The following ESYT2 variants were observed in gnomAD, a reference collection of about 807,000 sequenced individuals.
The protein encoded by ESYT2 is extended synaptotagmin 2.
Under a neutral mutation model 107.2 loss-of-function variants are expected in ESYT2, and 54 were observed. That is an observed-to-expected ratio of 0.50 (90% CI 0.40 to 0.63). ESYT2 has a LOEUF of 0.63. ESYT2 is among the 30% of genes least tolerant of loss of function. The pLI, the probability that ESYT2 is intolerant of heterozygous loss-of-function variation, is 0.00. For synonymous variants in ESYT2, 491 were observed against 434.1 expected, an observed-to-expected ratio of 1.13 and a Z score of -1.63; for missense variants, 1,020 against 1,094.5, an observed-to-expected ratio of 0.93 and a Z score of 0.96.
In ESYT2 at chr7:158,743,562, T is replaced by C. The variant is rs1451732704; in HGVS notation, c.1761A>G (p.Pro587=). Residue 587 remains proline, a synonymous_variant, in exon 17 of 23, where the codon CCA becomes CCG. Coordinates refer to ENST00000275418, the MANE Select transcript of ESYT2 (RefSeq NM_001367773.1). ...SQRFQLSNSG[P]NSTIKMKIAL... is the part of the protein sequence containing the mutation. ...CAATCTTCATCTTGATGGTGCTGTT[T>C]GGACCCGAGTTACTGAGCTGGAAGC... 6.2e-7 allele frequency: 1 copy of C among 1,613,084 alleles called. No homozygotes were observed. The highest frequency in any genetic ancestry group is 8.5e-7 in the Non-Finnish European group (1 of 1,179,652).
intron 1 of ESYT2, among the ~76,000 whole-genome samples, chr7:158,806,136 C>CAATGCGTAGGAGGCGCT (rs1275821454): frequency 6.8e-5 from 10 of 147,764 alleles, no homozygotes; most frequent in East Asian, 2.0e-4. Context: ...TGGGAGGTGC[C>CAATGCGTAGGAGGCGCT]GGGGCACACC....
Position 158,829,435 on chromosome 7 carries a change from G to C in ESYT2, c.-17C>G, listed in dbSNP as rs1840566727. 1.7e-6 allele frequency: 2 copies of C among 1,184,764 alleles called. No individual in the cohort carries two copies. Among genetic ancestry groups the C allele is most frequent in the African/African-American group, 3.2e-5 (2 of 61,950 alleles). 73.4% of individuals were successfully genotyped at this position (1,184,764 alleles called of 1,614,324 possible). ...GCCGCTCATCGCCCCGCAGTGCCGC[G>C]CTGCCCTCCCGGCCGAGGCGGGCTG... On this transcript the variant is annotated 5_prime_UTR_variant, in exon 1 of 23. Coordinates refer to ENST00000275418, the MANE Select transcript of ESYT2 (RefSeq NM_001367773.1).
At chr7:158,794,254 G>A (rs555575209) in intron 3 of ESYT2, among the ~76,000 whole-genome samples, 2 of 152,362 alleles carry the variant, frequency 1.3e-5, no homozygotes, top group East Asian at 3.9e-4. Context: ...AACACTTTGG[G>A]ATACCAAGGC....
chr7:158,754,474 G>A (rs903040006), intron 13 of ESYT2, among the ~76,000 whole-genome samples: 2 of 151,908 alleles, frequency 1.3e-5, no homozygotes, highest in African/African-American at 2.4e-5. Flanking sequence ...GCCTCCCAAA[G>A]TGCTGGGATT....
rs112594448 is a variant in ESYT2, at chr7:158,749,010, C to CAA, written c.1557+638_1557+639insTT. On this transcript the variant is annotated intron_variant, in intron 15 of 22. Transcript: ENST00000275418. ...TAAGCACTGTTGGTTTTCTTTTAAA[C>CAA]TATTTATAGAGTGCTCAAGACAAAC... is the stretch of plus-strand genomic sequence containing the variant. Among the ~76,000 whole-genome samples the CAA allele has an allele frequency of 5.1e-3, 773 of 152,264 alleles. 4 individuals carry two copies. The highest frequency in any genetic ancestry group is 0.018 in the African/African-American group (742 of 41,546).
At chr7:158,740,850 C>CTCCGTTTCTGTTACTATTTTCT (rs1837169849) in intron 18 of ESYT2, among the ~76,000 whole-genome samples, 2 of 152,262 alleles carry the variant, frequency 1.3e-5, no homozygotes, top group African/African-American at 2.4e-5. Context: ...GCACCTTTGC[C>CTCCGTTTCTGTTACTATTTTCT]TCCGTTTCTG....
At chr7:158,829,038 G>A (rs750526582) in intron 1 of ESYT2, 51 bp downstream of exon 1, 10 of 1,559,708 alleles carry the variant, frequency 6.4e-6, no homozygotes, top group Admixed American at 1.8e-5. Context: ...TGGACGAGGG[G>A]AGATCGGGAC....
At chr7:158,773,850 C>T (rs1052202183) in intron 6 of ESYT2, among the ~76,000 whole-genome samples, 5 of 152,212 alleles carry the variant, frequency 3.3e-5, no homozygotes, top group African/African-American at 1.2e-4. Context: ...TATCCATTTA[C>T]ATTCCCAACC....
At chr7:158,788,249 A>G in intron 5 of ESYT2, 96 bp downstream of exon 5, 1 of 1,305,222 alleles carries the variant, frequency 7.7e-7, no homozygotes, top group African/African-American at 1.5e-5. Flanking sequence ...CGTCAAAAAA[A>G]TTCCAAGCTA....
At chr7:158,788,883 C>T (rs542888425) in intron 4 of ESYT2, among the ~76,000 whole-genome samples, 37 of 152,230 alleles carry the variant, frequency 2.4e-4, no homozygotes, top group African/African-American at 8.4e-4. Flanking sequence ...TCTCACAGTG[C>T]CCTAGGCCTC....
chr7:158,734,108 C>T lies in ESYT2; in HGVS notation c.*99G>A. The T allele has an allele frequency of 7.1e-7, 1 of 1,410,110 alleles. No homozygotes were observed. Among genetic ancestry groups the T allele is most frequent in the Non-Finnish European group, 9.9e-7 (1 of 1,014,474 alleles). 87.3% of individuals were successfully genotyped at this position (1,410,110 alleles called of 1,614,324 possible). A position where few individuals can be genotyped will look rare whatever the true frequency, so the allele number is the denominator to read the frequency against. On this transcript the variant is annotated 3_prime_UTR_variant, in exon 23 of 23. Coordinates refer to ENST00000275418, the MANE Select transcript of ESYT2 (RefSeq NM_001367773.1). ...CTATTAAGGTATGTATAACTAAATC[C>T]ATGAAATTATAAAAATAACATTGGT...
intron 6 of ESYT2, among the ~76,000 whole-genome samples, chr7:158,779,340 C>T (rs1056903198): frequency 5.9e-5 from 9 of 152,128 alleles, no homozygotes. Context: ...ATGATTCCTT[C>T]TGTGAACAGT....
intron 9 of ESYT2, among the ~76,000 whole-genome samples, chr7:158,764,160 C>T (rs1838071502): frequency 6.6e-6 from 1 of 152,206 alleles, no homozygotes; most frequent in African/African-American, 2.4e-5. Context: ...TGAAGAGACA[C>T]TCACATTCTA....
At chr7:158,798,172 G>A (rs1232901561) in intron 2 of ESYT2, 96 bp from the exon 3 acceptor site, 2 of 1,326,386 alleles carry the variant, frequency 1.5e-6, no homozygotes, top group Non-Finnish European at 2.1e-6. Context: ...ACCAAACCTG[G>A]TTTTGAAAAT....
intron 15 of ESYT2, 80 bp downstream of exon 15, chr7:158,749,569 C>T (rs1298929879): frequency 4.4e-5 from 59 of 1,355,272 alleles, no homozygotes; most frequent in Middle Eastern, 2.0e-4. Flanking sequence ...ATTTGCAACC[C>T]GGCATCCCCA....
intron 1 of ESYT2, among the ~76,000 whole-genome samples, chr7:158,802,831 A>G (rs954714828): frequency 1.6e-4 from 25 of 152,258 alleles, no homozygotes; most frequent in African/African-American, 4.3e-4. Flanking sequence ...TAAAAGATAA[A>G]TGGATAAAAT....
chr7:158,769,590 G>A (rs917667812), intron 7 of ESYT2, among the ~76,000 whole-genome samples: 3 of 152,184 alleles, frequency 2.0e-5, no homozygotes, highest in South Asian at 2.1e-4. Context: ...CTCATCACCC[G>A]TATTTTGTTT....
At chr7:158,760,007 A>T in intron 12 of ESYT2, 51 bp downstream of exon 12, 1 of 1,525,778 alleles carries the variant, frequency 6.6e-7, no homozygotes, top group Admixed American at 1.7e-5. Context: ...AAGCTCAGTT[A>T]TGAGGAGTAG....
At chr7:158,778,291 G>C (rs990761861) in intron 6 of ESYT2, among the ~76,000 whole-genome samples, 3 of 152,090 alleles carry the variant, frequency 2.0e-5, no homozygotes, top group Non-Finnish European at 4.4e-5. Context: ...GTTCCAAGTA[G>C]CTATGTGCTA....
Sources: gnomAD v4.1 joint callset for allele counts (sites outside exome capture counted in the v4.1 genomes callset) on GRCh38, gnomAD v4.1.1 for gene constraint, MANE v1.5 for transcripts, NCBI Gene and HGNC (gene_info 2026-07-23, HGNC 2026-07-21) for gene names.